The following DET1 variants were observed in gnomAD, a reference collection of about 807,000 sequenced individuals.
DET1 encodes DET1 homolog.
In DET1, 22 loss-of-function variants were observed where a neutral mutation model predicts 43.7. That is an observed-to-expected ratio of 0.50 (90% CI 0.36 to 0.72). The LOEUF is 0.72. Among genes scored for constraint, DET1 ranks in the 30% least tolerant of loss-of-function variants. The pLI, the probability that DET1 is intolerant of heterozygous loss-of-function variation, is 0.00. For synonymous variants in DET1, 315 were observed against 266.2 expected, an observed-to-expected ratio of 1.18 and a Z score of -1.79; for missense variants, 713 against 713.3, an observed-to-expected ratio of 1.00 and a Z score of 0.00.
intron 1 of DET1, among the ~76,000 whole-genome samples, chr15:88,537,686 C>A (rs1271991459): frequency 6.6e-6 from 1 of 152,182 alleles, no homozygotes; most frequent in Non-Finnish European, 1.5e-5. Context: ...TCTGTATGCT[C>A]ATCACAGTGT....
rs141866692 is a variant in DET1, at chr15:88,512,750, A to G, written c.*201T>C. ...GGAAAACGCAAGAGGATATTATAACAATCAGTAGCAGTATTGTATACAATT... is the reference window on the plus strand; with the variant it reads ...GGAAAACGCAAGAGGATATTATAACGATCAGTAGCAGTATTGTATACAATT... On this transcript the variant is annotated 3_prime_UTR_variant, in exon 5 of 5. Transcript: ENST00000268148. 2 of 1,303,338 alleles carry G rather than the reference A, an allele frequency of 1.5e-6. No individual in the cohort carries two copies. The allele number at this position is 1,303,338 out of a possible 1,614,324, so 80.7% of individuals were successfully genotyped here.
At chr15:88,520,456 T>C (rs566506576) in intron 3 of DET1, among the ~76,000 whole-genome samples, 1 of 152,352 alleles carries the variant, frequency 6.6e-6, no homozygotes, top group African/African-American at 2.4e-5. Context: ...CCTATTGTAC[T>C]TGACTCGTCA....
chr15:88,546,447 C>CG (rs1199231121), intron 1 of DET1, 93 bp downstream of exon 1: 3 of 152,368 alleles, frequency 2.0e-5, no homozygotes, highest in East Asian at 3.8e-4. Context: ...GCGGGGGCCG[C>CG]GGGGCCTCTG....
At chr15:88,545,288 T>C (rs1346079808) in intron 1 of DET1, among the ~76,000 whole-genome samples, 1 of 152,022 alleles carries the variant, frequency 6.6e-6, no homozygotes, top group Non-Finnish European at 1.5e-5. Context: ...AATAAATAAA[T>C]AATAGAAATA....
rs753005096 is a variant in DET1, at chr15:88,530,969, G to C, written c.737C>G (p.Pro246Arg). ...QQTIHVFQVT[P>R]EGTFIDVRTI... ...CCGCACATCAATGAAAGTGCCTTCAGGAGTCACCTGGAAGACATGGATGGT... is the reference window on the plus strand; with the variant it reads ...CCGCACATCAATGAAAGTGCCTTCACGAGTCACCTGGAAGACATGGATGGT... The change falls in exon 2 of 5, where the codon CCT becomes CGT. Residue 246 changes from proline to arginine, a missense_variant. Transcript: ENST00000268148. The C allele has an allele frequency of 6.2e-7, 1 of 1,613,996 alleles. No homozygotes were observed. Among genetic ancestry groups the C allele is most frequent in the Admixed American group, 1.7e-5 (1 of 60,026 alleles).
chr15:88,545,170 C>T (rs1276994525), intron 1 of DET1, among the ~76,000 whole-genome samples: 1 of 151,114 alleles, frequency 6.6e-6, no homozygotes, highest in African/African-American at 2.4e-5. Context: ...AAATTATGTA[C>T]TAAAAAAAAA....
At chr15:88,532,347 G>A (rs2056837490) in intron 1 of DET1, among the ~76,000 whole-genome samples, 1 of 151,982 alleles carries the variant, frequency 6.6e-6, no homozygotes, top group Non-Finnish European at 1.5e-5. Flanking sequence ...ATTCATTCCA[G>A]CAAAAAATAT....
chr15:88,527,535 C>A (rs2056697012), intron 3 of DET1, 64 bp downstream of exon 3: 3 of 1,436,688 alleles, frequency 2.1e-6, no homozygotes, highest in Non-Finnish European at 2.8e-6. Flanking sequence ...CTAGAGACAA[C>A]AGCTATTGGC....
At chr15:88,521,156 A>T (rs964921616) in intron 3 of DET1, among the ~76,000 whole-genome samples, 4 of 152,034 alleles carry the variant, frequency 2.6e-5, no homozygotes, top group African/African-American at 9.7e-5. Flanking sequence ...CAGTCCAGCC[A>T]CCCTGGCCTT....
At chr15:88,532,859 A>C (rs1224417957) in intron 1 of DET1, among the ~76,000 whole-genome samples, 2 of 152,236 alleles carry the variant, frequency 1.3e-5, no homozygotes, top group African/African-American at 4.8e-5. Flanking sequence ...ACAGGAGGAA[A>C]GCTTCATGAC....
chr15:88,501,948 A>C (rs2056092785), intron 8 of DET1: 1 of 152,230 alleles, frequency 6.6e-6, no homozygotes, highest in Non-Finnish European at 1.5e-5. Flanking sequence ...TTATTTCAGC[A>C]GCTTTTGGGG....
In DET1 at chr15:88,522,367, G is replaced by A. The variant is rs543069575; in HGVS notation, c.1271+5232C>T. On this transcript the variant is annotated intron_variant, in intron 3 of 4. Transcript: ENST00000268148. ...AATTAGACAGATATTTGGCCTCCTA[G>A]GCAGGTACTCTATTTTTTTTTTAAA... Among the ~76,000 whole-genome samples, 14 of 151,932 alleles carry A rather than the reference G, an allele frequency of 9.2e-5. 1 individual carries two copies. The East Asian group carries it at 2.7e-3, about 29-fold the overall frequency.
chr15:88,528,336 C>A (rs1160961038), intron 2 of DET1, among the ~76,000 whole-genome samples: 1 of 152,216 alleles, frequency 6.6e-6, no homozygotes, highest in Non-Finnish European at 1.5e-5. Context: ...ATATTTCTAA[C>A]ATGCAGAGAG....
intron 3 of DET1, among the ~76,000 whole-genome samples, chr15:88,518,887 C>G (rs2056416712): frequency 6.6e-6 from 1 of 152,172 alleles, no homozygotes; most frequent in East Asian, 1.9e-4. Flanking sequence ...GAAAGCCTAG[C>G]AAGCAACACT....
chr15:88,540,373 GT>G (rs2142338619), intron 1 of DET1, among the ~76,000 whole-genome samples: 1 of 151,470 alleles, frequency 6.6e-6, no homozygotes, highest in Non-Finnish European at 1.5e-5. Flanking sequence ...TGTTAATTCT[GT>G]TTTTCTGATA....
At chr15:88,544,142 C>G (rs1205729597) in intron 1 of DET1, among the ~76,000 whole-genome samples, 2 of 152,184 alleles carry the variant, frequency 1.3e-5, no homozygotes, top group African/African-American at 4.8e-5. Flanking sequence ...ATACACCTGC[C>G]TTCACCTCGT....
Position 88,513,622 on chromosome 15 carries a change from G to GA in DET1, c.1464-483_1464-482insT, listed in dbSNP as rs745391802. Among the ~76,000 whole-genome samples, 810 of 115,390 alleles carry GA rather than the reference G, an allele frequency of 7.0e-3. 11 individuals carry two copies. Among genetic ancestry groups the GA allele is most frequent in the South Asian group, 0.023 (80 of 3,552 alleles). The allele number at this position is 115,390 out of a possible 152,430, so 75.7% of individuals were successfully genotyped here. ...ATAATCAATATCAAACTATTAGTGA[G>GA]TTTTTTTTTTTTTTTTTTTGGAAAT... On this transcript the variant is annotated intron_variant, in intron 4 of 4. Coordinates refer to ENST00000268148, the MANE Select transcript of DET1 (RefSeq NM_001144074.3).
rs539364862 is a variant in DET1, at chr15:88,541,276, A to G, written c.-11+5264T>C. ...CCTTTGTTCACGTGTTTGTCTGCTG[A>G]CCCTCTCCGCACAATTGTCTTGTGA... On this transcript the variant is annotated intron_variant, in intron 1 of 4. Transcript: ENST00000268148. Among the ~76,000 whole-genome samples, 20 of 151,594 alleles carry G rather than the reference A, an allele frequency of 1.3e-4. 1 individual carries two copies. Among genetic ancestry groups the G allele is most frequent in the Non-Finnish European group, 2.8e-4 (19 of 67,972 alleles).
downstream of DET1, chr15:88,512,421 C>T (rs2056217685): frequency 1.0e-6 from 1 of 985,628 alleles, no homozygotes; most frequent in Non-Finnish European, 1.2e-6. Context: ...TCCTGGAACC[C>T]AAGTACTTGA....
Sources: allele counts gnomAD v4.1 joint callset (sites outside exome capture counted in the v4.1 genomes callset), GRCh38; gene constraint gnomAD v4.1.1; transcripts MANE v1.5; gene names NCBI Gene and HGNC (gene_info 2026-07-23, HGNC 2026-07-21).